MYO5B: variants seen among roughly 807,000 people sequenced by gnomAD.
MYO5B encodes unconventional myosin-Vb.
A neutral mutation model predicts 229.3 loss-of-function variants in MYO5B; 143 were observed. The observed-to-expected ratio is 0.62, with a 90% CI of 0.54 to 0.72. MYO5B has a LOEUF of 0.72. Among genes scored for constraint, MYO5B ranks in the 30% least tolerant of loss-of-function variants. The probability of loss-of-function intolerance (pLI) is 0.00; values close to 1 mark genes in which losing one functional copy is unlikely to be tolerated. For missense variants in MYO5B, 2,321 were observed against 2,331.0 expected (o/e 1.00, Z 0.09); for synonymous variants, 918 against 885.2 (o/e 1.04, Z -0.66).
chr18:50,161,799 C>T (rs71357227), intron 1 of MYO5B, among the ~76,000 whole-genome samples: 6,059 of 152,358 alleles, frequency 0.04, 160 homozygotes, highest in Non-Finnish European at 0.06. Flanking sequence ...GGAGCCCCTC[C>T]CTGCTGCCCT....
At chr18:50,081,056 A>G (rs763241376) in intron 1 of MYO5B, among the ~76,000 whole-genome samples, 1 of 152,232 alleles carries the variant, frequency 6.6e-6, no homozygotes, top group East Asian at 1.9e-4. Context: ...GAATAAAGTT[A>G]TGAGTCACCA....
chr18:50,179,751 GC>G (rs1568135058), intron 1 of MYO5B, among the ~76,000 whole-genome samples: 1 of 152,136 alleles, frequency 6.6e-6, no homozygotes, highest in South Asian at 2.1e-4. Context: ...TACTGTGCTG[GC>G]CTATTAGGCC....
chr18:50,168,245 G>C (rs944674337), intron 1 of MYO5B, among the ~76,000 whole-genome samples: 1 of 152,204 alleles, frequency 6.6e-6, no homozygotes, highest in Non-Finnish European at 1.5e-5. Context: ...CCAAAGCACA[G>C]CAAGGCCTTC....
intron 1 of MYO5B, among the ~76,000 whole-genome samples, chr18:50,064,978 G>C (rs2144435710): frequency 6.6e-6 from 1 of 152,252 alleles, no homozygotes; most frequent in East Asian, 1.9e-4. Context: ...CCTTGTATTT[G>C]GGTGCATGAG....
chr18:49,879,510 G>T, intron 23 of MYO5B: 1 of 241,660 alleles, frequency 4.1e-6, no homozygotes, highest in South Asian at 6.1e-5. Context: ...AAGGAAAGAA[G>T]GCAAATAGAG....
At chr18:49,929,447 TG>T (rs1375777610) in intron 17 of MYO5B, 64 bp downstream of exon 17, 3 of 1,388,502 alleles carry the variant, frequency 2.2e-6, no homozygotes, top group Non-Finnish European at 3.0e-6. Flanking sequence ...GAGGGCTCCC[TG>T]GGGAACCAAA....
intron 16 of MYO5B, among the ~76,000 whole-genome samples, chr18:49,933,235 G>A (rs1022307573): frequency 6.6e-6 from 1 of 152,136 alleles, no homozygotes; most frequent in Non-Finnish European, 1.5e-5. Flanking sequence ...CAGTGACCAG[G>A]TCCTCCACAA....
chr18:49,846,966 G>A (rs531254062), intron 33 of MYO5B, among the ~76,000 whole-genome samples, 180 bp downstream of exon 33: 1 of 151,194 alleles, frequency 6.6e-6, no homozygotes, highest in Admixed American at 6.6e-5. Flanking sequence ...GAGCTGGGGG[G>A]AGGATGAGAG....
chr18:49,938,379 T>TG (rs1454203331), intron 14 of MYO5B, among the ~76,000 whole-genome samples: 2 of 152,024 alleles, frequency 1.3e-5, no homozygotes, highest in African/African-American at 2.4e-5. Flanking sequence ...CATCATCCCT[T>TG]GGGGAAGTCA....
chr18:50,072,453 G>A (rs956243201), intron 1 of MYO5B, among the ~76,000 whole-genome samples: 14 of 152,158 alleles, frequency 9.2e-5, no homozygotes, highest in African/African-American at 3.4e-4. Flanking sequence ...AATTAGAAAT[G>A]AGGGTTGGTG....
chr18:50,057,961 G>A (rs971780066), intron 1 of MYO5B, among the ~76,000 whole-genome samples: 4 of 152,040 alleles, frequency 2.6e-5, no homozygotes, highest in Non-Finnish European at 5.9e-5. Context: ...GCAGCTATGG[G>A]ACAAATCTAG....
intron 1 of MYO5B, among the ~76,000 whole-genome samples, chr18:50,077,145 A>G (rs2031098309): frequency 7.6e-6 from 1 of 130,810 alleles, no homozygotes; most frequent in Non-Finnish European, 1.6e-5. Flanking sequence ...GTTTTTGCTT[A>G]GGGTTAATTT....
intron 1 of MYO5B, among the ~76,000 whole-genome samples, chr18:50,094,926 C>A (rs1308945703): frequency 6.6e-6 from 1 of 152,164 alleles, no homozygotes; most frequent in Non-Finnish European, 1.5e-5. Flanking sequence ...TTCCTAGGCT[C>A]AAGTGATTGT....
At chr18:50,101,388 G>T (rs2031652034) in intron 1 of MYO5B, among the ~76,000 whole-genome samples, 1 of 152,094 alleles carries the variant, frequency 6.6e-6, no homozygotes, top group Non-Finnish European at 1.5e-5. Flanking sequence ...CCTGTATGGG[G>T]CCATCTTCTC....
In MYO5B at chr18:49,902,804, G is replaced by C. The variant is rs1265490212; in HGVS notation, c.2601C>G (p.Ile867Met). The part of the protein sequence containing the change: ...QVLMEHKATT[I>M]QKHVRGWMAR... Reference sequence around the variant, plus strand: ...CCATCCAGCCCCGCACGTGCTTCTGGATGGTGGTGGCCTTGTGCTCCATGA... The same window carrying C: ...CCATCCAGCCCCGCACGTGCTTCTGCATGGTGGTGGCCTTGTGCTCCATGA... The change falls in exon 21 of 40, where the codon ATC becomes ATG. Residue 867 changes from isoleucine (I) to methionine (M), a missense_variant. Physicochemically the swap from Ile to Met is conservative, Grantham distance 10. Around this residue, in one of 2 missense-constraint regions of MYO5B, gnomAD observed 2,113 missense variants for 2,044.7 expected, o/e 1.03. Transcript: ENST00000285039. The C allele has an allele frequency of 6.2e-7, 1 of 1,601,512 alleles. No individual in the cohort carries two copies. Among genetic ancestry groups the C allele is most frequent in the Non-Finnish European group, 8.5e-7 (1 of 1,179,934 alleles).
intron 18 of MYO5B, among the ~76,000 whole-genome samples, chr18:49,908,241 C>G (rs1178971124): frequency 6.6e-6 from 1 of 152,210 alleles, no homozygotes; most frequent in African/African-American, 2.4e-5. Context: ...CACTGAGACA[C>G]CCATCAGCCT....
chr18:50,043,618 ATAAATATATAAATATAT>A (rs2030131579), intron 2 of MYO5B, among the ~76,000 whole-genome samples: 1 of 134,642 alleles, frequency 7.4e-6, no homozygotes, highest in Admixed American at 8.4e-5. Flanking sequence ...ATAAATATAT[ATAAATATATAAATATAT>A]TAAATATATT....
intron 4 of MYO5B, among the ~76,000 whole-genome samples, chr18:50,005,743 G>A (rs1319046499): frequency 6.6e-6 from 1 of 152,110 alleles, no homozygotes; most frequent in Non-Finnish European, 1.5e-5. Flanking sequence ...ATGGTATCAA[G>A]GTTCAACCCA....
chr18:50,034,730 C>G (rs1431611394), intron 4 of MYO5B, among the ~76,000 whole-genome samples: 3 of 151,884 alleles, frequency 2.0e-5, no homozygotes. Context: ...AGCGAAAGAG[C>G]GAAACTCCAT....
Sources: allele counts gnomAD v4.1 joint callset (sites outside exome capture counted in the v4.1 genomes callset), GRCh38; gene constraint gnomAD v4.1.1; regional missense constraint gnomAD v4.1.1; transcripts MANE v1.5; gene names NCBI Gene and HGNC (gene_info 2026-07-23, HGNC 2026-07-21).